NOD1: variants seen among roughly 807,000 people sequenced by gnomAD.
The protein encoded by NOD1 is nucleotide-binding oligomerization domain-containing protein 1.
In NOD1, 70 loss-of-function variants were observed where a neutral mutation model predicts 81.2. The observed-to-expected ratio is 0.86, with a 90% confidence interval of 0.71 to 1.05. NOD1 has a LOEUF of 1.05. Ranked by LOEUF, NOD1 falls within the 50% of genes least tolerant of loss-of-function variation. The pLI is 0.00. For synonymous variants in NOD1, 508 were observed against 526.9 expected, an observed-to-expected ratio of 0.96 and a Z score of 0.49; for missense variants, 1,233 against 1,228.0, an observed-to-expected ratio of 1.00 and a Z score of -0.06.
Position 30,452,720 on chromosome 7 carries a change from G to A in NOD1, c.697C>T (p.His233Tyr). 6.2e-7 allele frequency: 1 copy of A among 1,613,978 alleles called. No homozygotes were observed. The highest frequency in any genetic ancestry group is 8.5e-7 in the Non-Finnish European group (1 of 1,180,040). ...CAGCTGAACATGCGGCAGCGAAAGT[G>A]GAAGAAGAATTTGACCCCTGCGTCT... ...RLDAGVKFFFHFRCRMFSCFK... is the reference protein window; with the variant it reads ...RLDAGVKFFFYFRCRMFSCFK... The change falls in exon 6 of 14, where the codon CAC becomes TAC. Residue 233 changes from histidine to tyrosine, a missense_variant. By Grantham distance (83) the His-to-Tyr change is moderately conservative. Coordinates refer to ENST00000222823, the MANE Select transcript of NOD1 (RefSeq NM_006092.4).
At chr7:30,446,551 G>A in intron 8 of NOD1, 1 of 416,076 alleles carries the variant, frequency 2.4e-6, no homozygotes, top group Non-Finnish European at 4.4e-6. Flanking sequence ...TGACTGCCAA[G>A]GGTCAAGGTA....
intron 8 of NOD1, chr7:30,446,651 C>G (rs1244425759): frequency 2.5e-6 from 1 of 405,918 alleles, no homozygotes; most frequent in Non-Finnish European, 4.4e-6. Flanking sequence ...GGCAAGGGCC[C>G]AAGCTCTTCC....
chr7:30,452,784 C>T lies in NOD1; in HGVS notation c.633G>A (p.Leu211=). ...CCCAGAGGCTCTGCAGCCGCTGTAG[C>T]AGCATGGACTTGCCCACCCCAGCAT... The part of the protein sequence containing the change: ...LGDAGVGKSM[L]LQRLQSLWAT... Residue 211 remains leucine, a synonymous_variant, in exon 6 of 14, where the codon CTG becomes CTA. Transcript: ENST00000222823. 1 of 1,614,152 alleles carries T rather than the reference C, an allele frequency of 6.2e-7. No individual in the cohort carries two copies. The highest frequency in any genetic ancestry group is 8.5e-7 in the Non-Finnish European group (1 of 1,180,046).
intron 11 of NOD1, among the ~76,000 whole-genome samples, chr7:30,433,606 A>C (rs569018216): frequency 6.6e-6 from 1 of 152,288 alleles, no homozygotes; most frequent in South Asian, 2.1e-4. Context: ...ACTGCACATT[A>C]AAATGTGTTC....
rs776642674 is a variant in NOD1, at chr7:30,451,325, C to G, written c.2092G>C (p.Val698Leu). The change falls in exon 6 of 14, where the codon GTC becomes CTC. Residue 698 changes from valine to leucine, a missense_variant. By Grantham distance (32) the Val-to-Leu change is conservative. Coordinates refer to ENST00000222823, the MANE Select transcript of NOD1 (RefSeq NM_006092.4). The surrounding 1 kb of genome is among the most constrained non-coding windows in gnomAD (Gnocchi z 4.2). The stretch of plus-strand genomic sequence containing the variant: ...AGCCGCTTGGGGAAGTGATGCAGGA[C>G]GAAGGAGAGGGCGCTGCAGTCGGCC... ...CSADCSALSF[V>L]LHHFPKRLAL... 1 of 1,614,180 alleles carries G rather than the reference C, an allele frequency of 6.2e-7. No homozygotes were observed. Among genetic ancestry groups the G allele is most frequent in the East Asian group, 2.2e-5 (1 of 44,880 alleles).
At chr7:30,469,520 GCC>G (rs1368156816) in intron 1 of NOD1, among the ~76,000 whole-genome samples, 3 of 152,150 alleles carry the variant, frequency 2.0e-5, no homozygotes, top group Non-Finnish European at 2.9e-5. Flanking sequence ...TGCAGACACA[GCC>G]AACGTCAGCA....
rs568013370 is a variant in NOD1 at position 30,452,623 on chromosome 7, G to C, written c.794C>G (p.Pro265Arg). The C allele has an allele frequency of 6.2e-7, 1 of 1,613,704 alleles. No individual in the cohort carries two copies. Among genetic ancestry groups the C allele is most frequent in the African/African-American group, 1.3e-5 (1 of 75,060 alleles). Residue 265 changes from proline (P) to arginine (R), a missense_variant, in exon 6 of 14, where the codon CCC becomes CGC. By Grantham distance (103) the Pro-to-Arg change is moderately radical. Coordinates refer to ENST00000222823, the MANE Select transcript of NOD1 (RefSeq NM_006092.4). The part of the protein sequence containing the change: ...FKHYCYPERD[P>R]EEVFAFLLRF... ...CAGCAGGAAGGCAAACACCTCCTCG[G>C]GGTCCCGCTCTGGGTAGCAGTAGTG... is the stretch of plus-strand genomic sequence containing the variant.
chr7:30,445,257 A>G (rs1424459603), intron 9 of NOD1, among the ~76,000 whole-genome samples: 1 of 130,152 alleles, frequency 7.7e-6, no homozygotes, highest in Admixed American at 7.9e-5. Context: ...AACTTAGAGT[A>G]TAATAAAAAA....
At position 30,451,878 on chromosome 7, in the gene NOD1, A is replaced by G. The variant is rs1449842178; in HGVS notation, c.1539T>C (p.Tyr513=). Residue 513 remains tyrosine, a synonymous_variant, in exon 6 of 14, where the codon TAT becomes TAC. Coordinates refer to ENST00000222823, the MANE Select transcript of NOD1 (RefSeq NM_006092.4). The surrounding 1 kb of genome is among the most constrained non-coding windows in gnomAD (Gnocchi z 4.2). ...ELGPGGDQQS[Y]EFFHLTLQAF... ...CCTGGAGGGTGAGGTGGAAAAACTC[A>G]TAGGACTGCTGGTCACCCCCGGGGC... The G allele has an allele frequency of 6.2e-7, 1 of 1,613,686 alleles. No individual in the cohort carries two copies. The highest frequency in any genetic ancestry group is 8.5e-7 in the Non-Finnish European group (1 of 1,180,008).
chr7:30,477,411 T>C (rs1459971305), intron 1 of NOD1, among the ~76,000 whole-genome samples: 1 of 152,212 alleles, frequency 6.6e-6, no homozygotes, highest in Admixed American at 6.5e-5. Context: ...ACTCTTTTAC[T>C]CTTCCCTGAA....
chr7:30,452,425 G>A lies in NOD1; in HGVS notation c.992C>T (p.Thr331Ile), dbSNP rs1478924598. ...CGGGACCTCGATGCCTGTGCGGGCT[G>A]TGAGCAGCTTGCTAGCCCCCTTGAG... is the stretch of plus-strand genomic sequence containing the variant. ...KLLKGASKLLTARTGIEVPRQ... is the reference protein window; with the variant it reads ...KLLKGASKLLIARTGIEVPRQ... Residue 331 changes from threonine to isoleucine, a missense_variant, in exon 6 of 14, where the codon ACA becomes ATA. Coordinates refer to ENST00000222823, the MANE Select transcript of NOD1 (RefSeq NM_006092.4). 2 of 1,613,392 alleles carry A rather than the reference G, an allele frequency of 1.2e-6. No homozygotes were observed. Among genetic ancestry groups the A allele is most frequent in the Non-Finnish European group, 1.7e-6 (2 of 1,180,006 alleles).
chr7:30,437,523 C>T, intron 10 of NOD1, 50 bp downstream of exon 10: 1 of 1,217,082 alleles, frequency 8.2e-7, no homozygotes, highest in Non-Finnish European at 1.1e-6. Flanking sequence ...AAACCTAGAG[C>T]AGCTGGGAGG....
At chr7:30,436,377 C>T (rs184247737) in intron 10 of NOD1, among the ~76,000 whole-genome samples, 19 of 152,332 alleles carry the variant, frequency 1.2e-4, no homozygotes, top group Admixed American at 2.0e-4. Context: ...AGGAGGCTGG[C>T]GAGGCCTGGC....
chr7:30,470,236 T>C (rs531731909), intron 1 of NOD1, among the ~76,000 whole-genome samples: 1 of 152,348 alleles, frequency 6.6e-6, no homozygotes, highest in Admixed American at 6.5e-5. Flanking sequence ...TCTGTGAGCA[T>C]GCAGTGAGTT....
At chr7:30,434,079 GAGA>G (rs1384412450) in intron 11 of NOD1, among the ~76,000 whole-genome samples, 2 of 152,210 alleles carry the variant, frequency 1.3e-5, no homozygotes, top group Non-Finnish European at 2.9e-5. Context: ...AATGAGGAGG[GAGA>G]AGAACACAGC....
intron 11 of NOD1, among the ~76,000 whole-genome samples, chr7:30,434,058 G>T (rs574625759): frequency 3.3e-5 from 5 of 152,342 alleles, no homozygotes; most frequent in African/African-American, 1.2e-4. Context: ...CTTGTAGGGA[G>T]AATGAGGTAG....
At chr7:30,455,973 T>C (rs1426987356) in intron 4 of NOD1, among the ~76,000 whole-genome samples, 1 of 152,162 alleles carries the variant, frequency 6.6e-6, no homozygotes, top group Non-Finnish European at 1.5e-5. Flanking sequence ...AACCACCCCT[T>C]GGGCATAATG....
At chr7:30,429,040 G>C (rs939324586) in intron 13 of NOD1, among the ~76,000 whole-genome samples, 1 of 152,188 alleles carries the variant, frequency 6.6e-6, no homozygotes, top group South Asian at 2.1e-4. Flanking sequence ...CTGAGTCCCA[G>C]GGGGATTTAC....
chr7:30,437,177 G>A (rs991570666), intron 10 of NOD1, among the ~76,000 whole-genome samples: 4 of 151,624 alleles, frequency 2.6e-5, no homozygotes, highest in African/African-American at 9.7e-5. Flanking sequence ...TGAACAATGA[G>A]AACACATGGA....
Sources: allele counts gnomAD v4.1 joint callset (sites outside exome capture counted in the v4.1 genomes callset), GRCh38; gene constraint gnomAD v4.1.1; non-coding constraint Gnocchi (gnomAD v3.1); transcripts MANE v1.5; gene names NCBI Gene and HGNC (gene_info 2026-07-23, HGNC 2026-07-21).